The following MYO5A variants were observed in gnomAD, a reference collection of about 807,000 sequenced individuals.
MYO5A encodes the protein myosin VA, also known as unconventional myosin-Va.
In MYO5A, 98 loss-of-function variants were observed where a neutral mutation model predicts 249.7. That is an observed-to-expected ratio of 0.39 (90% CI 0.33 to 0.46). The LOEUF is 0.46. Ranked by LOEUF, MYO5A falls within the 20% of genes least tolerant of loss-of-function variation. The pLI, the probability that MYO5A is intolerant of heterozygous loss-of-function variation, is 0.98. For synonymous variants in MYO5A, 778 were observed against 810.6 expected (o/e 0.96, Z 0.68); for missense variants, 1,696 against 2,308.8 (o/e 0.73, Z 5.44).
chr15:52,418,730 TAGAGAAAG>T (rs756341040), intron 4 of MYO5A, among the ~76,000 whole-genome samples: 20 of 132,730 alleles, frequency 1.5e-4, no homozygotes, highest in Admixed American at 2.7e-4. Context: ...AAGAGAGAGA[TAGAGAAAG>T]AGAGAAAGAG....
rs201082702 is a variant in MYO5A at position 52,381,761 on chromosome 15, G to GTCTCTC, written c.2012+1329_2012+1330insGAGAGA. The stretch of plus-strand genomic sequence containing the variant: ...ATCATAGCACAAGGCCCCTCCTTTT[G>GTCTCTC]TGTCTCTCTCTCTCTCTCTCTCACA... On this transcript the variant is annotated intron_variant, in intron 16 of 41. Transcript: ENST00000399233. 1.1e-3 allele frequency among the ~76,000 whole-genome samples: 162 copies of GTCTCTC among 143,674 alleles called. 1 individual carries two copies. The highest frequency in any genetic ancestry group is 6.7e-3 in the East Asian group (33 of 4,918). 94.3% of individuals were successfully genotyped at this position (143,674 alleles called of 152,430 possible).
At chr15:52,439,143 G>A (rs1223534597) in intron 1 of MYO5A, among the ~76,000 whole-genome samples, 4 of 152,202 alleles carry the variant, frequency 2.6e-5, no homozygotes, top group African/African-American at 9.7e-5. Context: ...CTTGGAATCC[G>A]TGAGGCCAAG....
At chr15:52,431,172 C>T (rs1192671037) in intron 2 of MYO5A, among the ~76,000 whole-genome samples, 2 of 124,482 alleles carry the variant, frequency 1.6e-5, no homozygotes, top group Admixed American at 1.1e-4. Context: ...GTGGAGGCTG[C>T]AGTGAGCCGA....
At chr15:52,361,727 C>T (rs138585093) in intron 24 of MYO5A, among the ~76,000 whole-genome samples, 167 of 152,324 alleles carry the variant, frequency 1.1e-3, no homozygotes, top group African/African-American at 3.9e-3. Context: ...GATTCAGCAA[C>T]TTCCTTGTTG....
At chr15:52,392,094 A>C in intron 11 of MYO5A, 24 bp from the exon 12 acceptor site, 1 of 1,600,704 alleles carries the variant, frequency 6.2e-7, no homozygotes. Context: ...GAAAAAAAGC[A>C]GTCATTACTG....
intron 10 of MYO5A, among the ~76,000 whole-genome samples, chr15:52,396,768 A>T (rs546860987): frequency 2.0e-5 from 3 of 152,334 alleles, no homozygotes; most frequent in East Asian, 3.9e-4. Flanking sequence ...ATAGGAGGGA[A>T]ATAGGAACAG....
At chr15:52,328,723 A>T (rs28693941) in intron 35 of MYO5A, among the ~76,000 whole-genome samples, 14,414 of 152,228 alleles carry the variant, frequency 0.095, 2,117 homozygotes, top group African/African-American at 0.32. Flanking sequence ...TCTCATGTCA[A>T]GCATTTATAA....
intron 1 of MYO5A, among the ~76,000 whole-genome samples, chr15:52,450,209 G>T (rs1203364298): frequency 1.3e-5 from 2 of 151,952 alleles, no homozygotes; most frequent in Non-Finnish European, 2.9e-5. Context: ...TAGCCCTGTG[G>T]TTTTCCTATG....
intron 1 of MYO5A, among the ~76,000 whole-genome samples, chr15:52,451,031 T>A (rs568501186): frequency 6.6e-5 from 10 of 151,974 alleles, no homozygotes; most frequent in Non-Finnish European, 1.5e-4. Flanking sequence ...TACCTAGACT[T>A]TTCTACTGAA....
In MYO5A at chr15:52,465,631, T is replaced by C. The variant is rs112567960; in HGVS notation, c.28-32346A>G. ...ATGATCATGCCACTGCACTCCAGCC[T>C]GAGCAACAGAGCAAGACCCTGTCTC... On this transcript the variant is annotated intron_variant, in intron 1 of 41. Coordinates refer to ENST00000399233, the MANE Select transcript of MYO5A (RefSeq NM_001382347.1). Among the ~76,000 whole-genome samples the C allele has an allele frequency of 2.4e-3, 358 of 152,268 alleles. 1 individual carries two copies. The highest frequency in any genetic ancestry group is 8.2e-3 in the African/African-American group (342 of 41,550).
At chr15:52,322,721 T>TA (rs1171739367) in intron 37 of MYO5A, among the ~76,000 whole-genome samples, 2 of 151,756 alleles carry the variant, frequency 1.3e-5, no homozygotes, top group African/African-American at 4.8e-5. Context: ...ACAAAAACAA[T>TA]AGAGTTTTTT....
At chr15:52,414,550 A>G (rs2043391883) in intron 5 of MYO5A, among the ~76,000 whole-genome samples, 1 of 152,166 alleles carries the variant, frequency 6.6e-6, no homozygotes, top group Non-Finnish European at 1.5e-5. Context: ...GACTTAAGTT[A>G]TCTTCACAGA....
intron 9 of MYO5A, among the ~76,000 whole-genome samples, chr15:52,400,782 T>C (rs2042716891): frequency 6.6e-6 from 1 of 152,238 alleles, no homozygotes; most frequent in South Asian, 2.1e-4. Context: ...TGTGATCACT[T>C]GGTTAAGGGA....
chr15:52,396,270 G>C (rs773519634), intron 11 of MYO5A, 46 bp downstream of exon 11: 9 of 1,125,980 alleles, frequency 8.0e-6, no homozygotes, highest in African/African-American at 3.1e-5. Flanking sequence ...AGGAATTCAA[G>C]AGAATAATTT....
intron 1 of MYO5A, among the ~76,000 whole-genome samples, chr15:52,442,764 T>C (rs2075810052): frequency 6.6e-6 from 1 of 151,372 alleles, no homozygotes; most frequent in African/African-American, 2.4e-5. Context: ...TTTTCTTTTT[T>C]TTTTTTTTTG....
At chr15:52,443,452 G>A (rs1257425643) in intron 1 of MYO5A, among the ~76,000 whole-genome samples, 1 of 152,110 alleles carries the variant, frequency 6.6e-6, no homozygotes, top group Admixed American at 6.5e-5. Flanking sequence ...TGGTTTAAAA[G>A]TAAATCACGC....
chr15:52,365,799 A>G (rs2040777675), intron 23 of MYO5A, among the ~76,000 whole-genome samples: 1 of 152,172 alleles, frequency 6.6e-6, no homozygotes, highest in Admixed American at 6.5e-5. Flanking sequence ...CTACCAAAAA[A>G]TTTTCCCTTG....
chr15:52,509,020 G>A (rs2077334443), intron 1 of MYO5A, among the ~76,000 whole-genome samples: 2 of 151,306 alleles, frequency 1.3e-5, no homozygotes, highest in African/African-American at 4.9e-5. Flanking sequence ...CACCCAGGCT[G>A]GAGTGCAATG....
At chr15:52,366,779 C>T (rs555523372) in intron 23 of MYO5A, among the ~76,000 whole-genome samples, 1 of 151,992 alleles carries the variant, frequency 6.6e-6, no homozygotes, top group Non-Finnish European at 1.5e-5. Flanking sequence ...AAAAAAATTA[C>T]ATATGACACT....
Sources: gnomAD v4.1 joint callset for allele counts (sites outside exome capture counted in the v4.1 genomes callset) on GRCh38, gnomAD v4.1.1 for gene constraint, MANE v1.5 for transcripts, NCBI Gene and HGNC (gene_info 2026-07-23, HGNC 2026-07-21) for gene names.